DCDC1: variants seen among roughly 807,000 people sequenced by gnomAD.
The protein encoded by DCDC1 is doublecortin domain-containing protein 1.
DCDC1 carries 200 observed loss-of-function variants against 178.3 expected under a neutral mutation model. That is an observed-to-expected ratio of 1.12 (90% CI 1.00 to 1.26). The LOEUF is 1.26. DCDC1 is among the 50% of genes most tolerant of loss of function. The pLI, the probability that DCDC1 is intolerant of heterozygous loss-of-function variation, is 0.00. For synonymous variants in DCDC1, 690 were observed against 604.8 expected (o/e 1.14, Z -2.07); for missense variants, 1,983 against 1,749.2 (o/e 1.13, Z -2.38).
At chr11:30,934,009 ATGTCT>A (rs1947106284) in intron 21 of DCDC1, among the ~76,000 whole-genome samples, 1 of 152,182 alleles carries the variant, frequency 6.6e-6, no homozygotes, top group Non-Finnish European at 1.5e-5. Context: ...TGCTAGTATC[ATGTCT>A]TAACGCAAGC....
At chr11:31,067,416 A>G (rs1956307964) in intron 18 of DCDC1, among the ~76,000 whole-genome samples, 2 of 152,186 alleles carry the variant, frequency 1.3e-5, no homozygotes, top group African/African-American at 4.8e-5. Context: ...ATGACAAAGA[A>G]AAACAAAATC....
intron 9 of DCDC1, among the ~76,000 whole-genome samples, chr11:31,227,910 G>A (rs972432252): frequency 9.9e-5 from 15 of 152,000 alleles, no homozygotes. Context: ...CAGGAATAAA[G>A]AGGAACATTT....
chr11:30,880,383 C>T (rs1942550906), intron 37 of DCDC1, among the ~76,000 whole-genome samples: 1 of 152,140 alleles, frequency 6.6e-6, no homozygotes, highest in African/African-American at 2.4e-5. Flanking sequence ...CCCTTCTGGG[C>T]TAAATGTAAA....
chr11:30,965,575 GT>G (rs1949379874), intron 20 of DCDC1, among the ~76,000 whole-genome samples: 1 of 145,578 alleles, frequency 6.9e-6, no homozygotes, highest in Non-Finnish European at 1.5e-5. Flanking sequence ...ACCTAATATT[GT>G]TTTTTGTTTG....
At position 31,356,023 on chromosome 11, in the gene DCDC1, C is replaced by T. The variant is rs531209243; in HGVS notation, c.-125+13674G>A. On this transcript the variant is annotated intron_variant, in intron 1 of 38. Transcript: ENST00000684477. ...AGTAACTATTCCCAATCGCCCTTCTCTCAGCTCTCTCAAAACAAGTGAGTC... is the reference window on the plus strand; with the variant it reads ...AGTAACTATTCCCAATCGCCCTTCTTTCAGCTCTCTCAAAACAAGTGAGTC... Among the ~76,000 whole-genome samples, 26 of 152,266 alleles carry T rather than the reference C, an allele frequency of 1.7e-4. 1 individual carries two copies. The South Asian group carries it at 5.0e-3, about 29-fold the overall frequency.
At chr11:30,945,214 G>T (rs545288712) in intron 21 of DCDC1, among the ~76,000 whole-genome samples, 2 of 151,642 alleles carry the variant, frequency 1.3e-5, no homozygotes, top group South Asian at 4.2e-4. Context: ...TGATCTGCCC[G>T]CCTCAGCCTC....
At chr11:31,042,447 G>GA (rs1167896152) in intron 20 of DCDC1, among the ~76,000 whole-genome samples, 2 of 151,980 alleles carry the variant, frequency 1.3e-5, no homozygotes, top group East Asian at 3.8e-4. Context: ...ATGTCTTTGT[G>GA]AAAAAAATAA....
At chr11:30,994,697 A>G (rs1951162233) in intron 20 of DCDC1, among the ~76,000 whole-genome samples, 1 of 145,346 alleles carries the variant, frequency 6.9e-6, no homozygotes, top group Non-Finnish European at 1.5e-5. Context: ...TTATTGTTAT[A>G]ATATATAACA....
rs985792475 is a variant in DCDC1 at position 31,243,382 on chromosome 11, A to AT, written c.1055-1767dup. Among the ~76,000 whole-genome samples, 47 of 151,850 alleles carry AT rather than the reference A, an allele frequency of 3.1e-4. No individual in the cohort carries two copies. In the South Asian group the frequency reaches 3.3e-3, roughly 11 times the overall value. On this transcript the variant is annotated intron_variant, in intron 8 of 38. Coordinates refer to ENST00000684477, the MANE Select transcript of DCDC1 (RefSeq NM_001387274.1). ...ATTGAACCTGGCATACTTTTTGAAC[A>AT]TTGAAAGGCACTACATAAATAGATA...
chr11:30,982,109 T>G (rs1159137711), intron 20 of DCDC1, among the ~76,000 whole-genome samples: 2 of 152,220 alleles, frequency 1.3e-5, no homozygotes, highest in Non-Finnish European at 2.9e-5. Flanking sequence ...ATGTTAAAGG[T>G]ACACTAGAGG....
At chr11:31,237,429 A>G (rs1404575773) in intron 9 of DCDC1, among the ~76,000 whole-genome samples, 3 of 151,954 alleles carry the variant, frequency 2.0e-5, no homozygotes, top group Non-Finnish European at 4.4e-5. Context: ...GCTAAACACA[A>G]TATGCCAAAT....
At chr11:31,012,817 A>C (rs572091196) in intron 20 of DCDC1, among the ~76,000 whole-genome samples, 3 of 152,166 alleles carry the variant, frequency 2.0e-5, no homozygotes, top group Non-Finnish European at 4.4e-5. Flanking sequence ...GAGATTATTT[A>C]TATAAGGTTT....
At chr11:31,177,614 T>C (rs968369598) in intron 9 of DCDC1, among the ~76,000 whole-genome samples, 1 of 152,166 alleles carries the variant, frequency 6.6e-6, no homozygotes, top group Non-Finnish European at 1.5e-5. Flanking sequence ...TTCAACTCTA[T>C]GCTGCCTACA....
chr11:30,997,590 G>A (rs1266591634), intron 20 of DCDC1, among the ~76,000 whole-genome samples: 1 of 152,092 alleles, frequency 6.6e-6, no homozygotes, highest in Admixed American at 6.6e-5. Context: ...TCTCCTAGTA[G>A]TACAGTTTGG....
intron 1 of DCDC1, among the ~76,000 whole-genome samples, chr11:31,366,424 G>A (rs1951960442): frequency 6.6e-6 from 1 of 152,142 alleles, no homozygotes; most frequent in Non-Finnish European, 1.5e-5. Flanking sequence ...CCCAACTGGG[G>A]AATCAGAATA....
chr11:31,192,679 C>A lies in DCDC1; in HGVS notation c.1221+48771G>T, dbSNP rs141827226. Reference sequence around the variant, plus strand: ...CTACCATAGTACCTTGTTTTCAGACCCTATGCTACAGCAATTGTTGCAGCA... The same window carrying A: ...CTACCATAGTACCTTGTTTTCAGACACTATGCTACAGCAATTGTTGCAGCA... On this transcript the variant is annotated intron_variant, in intron 9 of 38. Coordinates refer to ENST00000684477, the MANE Select transcript of DCDC1 (RefSeq NM_001387274.1). 2.6e-5 allele frequency among the ~76,000 whole-genome samples: 4 copies of A among 152,102 alleles called. No individual in the cohort carries two copies. The East Asian group carries it at 7.7e-4, about 29-fold the overall frequency.
In DCDC1 at chr11:31,243,877, C is replaced by G. The variant is rs16921978; in HGVS notation, c.1055-2261G>C. Among the ~76,000 whole-genome samples the G allele has an allele frequency of 9.3e-3, 1,412 of 151,820 alleles. 11 individuals are homozygous for G. Among genetic ancestry groups the G allele is most frequent in the Admixed American group, 0.015 (235 of 15,180 alleles). Reference sequence around the variant, plus strand: ...AATAATCTGTTCAGTATTCCAGAATCTCCCTGCAGGAAGCAGGGTCCTCAT... The same window carrying G: ...AATAATCTGTTCAGTATTCCAGAATGTCCCTGCAGGAAGCAGGGTCCTCAT... On this transcript the variant is annotated intron_variant, in intron 8 of 38. Transcript: ENST00000684477.
intron 7 of DCDC1, among the ~76,000 whole-genome samples, chr11:31,279,239 CT>C (rs371559594): frequency 7.4e-4 from 111 of 150,804 alleles, no homozygotes; most frequent in African/African-American, 2.6e-3. Flanking sequence ...ATTTCATTTT[CT>C]TTTTTTTGTG....
intron 36 of DCDC1, among the ~76,000 whole-genome samples, chr11:30,886,005 C>T (rs1943137299): frequency 6.6e-6 from 1 of 151,676 alleles, no homozygotes; most frequent in Non-Finnish European, 1.5e-5. Context: ...GTTATGACGC[C>T]GTTGAAAATA....
Sources: allele counts gnomAD v4.1 joint callset (sites outside exome capture counted in the v4.1 genomes callset), GRCh38; gene constraint gnomAD v4.1.1; transcripts MANE v1.5; gene names NCBI Gene and HGNC (gene_info 2026-07-23, HGNC 2026-07-21).